CHRNA3: variants seen among roughly 807,000 people sequenced by gnomAD.
The protein encoded by CHRNA3 is neuronal acetylcholine receptor subunit alpha-3.
A neutral mutation model predicts 41.9 loss-of-function variants in CHRNA3; 34 were observed. That is an observed-to-expected ratio of 0.81 (90% confidence interval 0.62 to 1.08). The LOEUF is 1.08. Among genes scored for constraint, CHRNA3 ranks in the 50% least tolerant of loss-of-function variants. The probability of loss-of-function intolerance (pLI) is 0.00; values close to 1 mark genes in which losing one functional copy is unlikely to be tolerated. For synonymous variants in CHRNA3, 281 were observed against 265.2 expected (o/e 1.06, Z -0.58); for missense variants, 542 against 638.3 (o/e 0.85, Z 1.63).
At chr15:78,613,895 C>A (rs1383443684) in intron 4 of CHRNA3, among the ~76,000 whole-genome samples, 1 of 151,256 alleles carries the variant, frequency 6.6e-6, no homozygotes, top group African/African-American at 2.4e-5. Context: ...GCAGTGAGCC[C>A]AGATCATGCC....
At chr15:78,617,311 C>T (rs72648885) in intron 3 of CHRNA3, among the ~76,000 whole-genome samples, 178 bp from the exon 4 acceptor site, 153 of 152,202 alleles carry the variant, frequency 1.0e-3, no homozygotes, top group Non-Finnish European at 1.5e-3. Context: ...AGAGAGCACA[C>T]GGCTGGCTCT....
chr15:78,605,661 T>C (rs957795897), intron 4 of CHRNA3, among the ~76,000 whole-genome samples: 2 of 152,182 alleles, frequency 1.3e-5, no homozygotes, highest in African/African-American at 4.8e-5. Flanking sequence ...ACGTGGGCTC[T>C]TGAGGATGTC....
chr15:78,604,514 G>C (rs2053253448), intron 4 of CHRNA3, among the ~76,000 whole-genome samples: 1 of 152,178 alleles, frequency 6.6e-6, no homozygotes, highest in Non-Finnish European at 1.5e-5. Flanking sequence ...TGGGGATCCT[G>C]GTCACTGTGG....
intron 4 of CHRNA3, among the ~76,000 whole-genome samples, chr15:78,610,558 T>C (rs2053365751): frequency 6.6e-6 from 1 of 151,958 alleles, no homozygotes; most frequent in African/African-American, 2.4e-5. Flanking sequence ...CCAGAATCTC[T>C]GGGACGCATT....
intron 3 of CHRNA3, chr15:78,618,372 TTCTC>T (rs763992071): frequency 1.3e-4 from 69 of 544,974 alleles, no homozygotes; most frequent in Non-Finnish European, 2.1e-4. Flanking sequence ...GAGAATGTCT[TTCTC>T]CAGGCTGCAA....
rs8192475 is a variant in CHRNA3, at chr15:78,618,888, C to G, written c.110G>C (p.Arg37Pro). Residue 37 changes from arginine to proline, a missense_variant, in exon 2 of 6, where the codon CGT becomes CCT. Coordinates refer to ENST00000326828, the MANE Select transcript of CHRNA3 (RefSeq NM_000743.5). The part of the protein sequence containing the change: ...PVARASEAEH[R>P]LFERLFEDYN... ...ATCTTCAAACAGCCGCTCAAATAGA[C>G]GGTGCTCAGCCTCTGAGGCCCTGGC... 41 of 1,613,610 alleles carry G rather than the reference C, an allele frequency of 2.5e-5. No homozygotes were observed. Among genetic ancestry groups the G allele is most frequent in the Non-Finnish European group, 3.5e-5 (41 of 1,179,982 alleles).
intron 4 of CHRNA3, among the ~76,000 whole-genome samples, chr15:78,609,620 A>C (rs986745434): frequency 6.6e-6 from 1 of 152,208 alleles, no homozygotes; most frequent in African/African-American, 2.4e-5. Context: ...GCCACTGCAA[A>C]AACATGCCAA....
chr15:78,601,210 TTGAA>T lies in CHRNA3; in HGVS notation c.1389+39_1389+42del, dbSNP rs758273755. ...CCCACGAGGAACCCATAAATATTTG[TTGAA>T]TGAATGAATGACCAATGTAATAAAA... On this transcript the variant is annotated intron_variant, in intron 5 of 5. Transcript: ENST00000326828. 11 of 1,581,278 alleles carry T rather than the reference TTGAA, an allele frequency of 7.0e-6. No homozygotes were observed. In the South Asian group the frequency reaches 9.3e-5, roughly 13 times the overall value.
downstream of CHRNA3, chr15:78,593,103 T>C (rs778479885): frequency 1.2e-6 from 2 of 1,605,790 alleles, no homozygotes; most frequent in Non-Finnish European, 1.7e-6. Context: ...TTGTTGAAGA[T>C]TGGAAATTCA....
intron 5 of CHRNA3, chr15:78,599,869 T>A (rs1342067184): frequency 7.1e-6 from 1 of 140,168 alleles, no homozygotes; most frequent in East Asian, 2.3e-4. Context: ...TACAAAAAAT[T>A]AGGCATGGTA....
chr15:78,595,534 G>A lies in CHRNA3; in HGVS notation c.*1070C>T, dbSNP rs199921548. ...ATTCTTGGTTATCATAACTGGTGAA[G>A]AAGCAAGGTATGTCATTGGCATCTA... On this transcript the variant is annotated 3_prime_UTR_variant, in exon 6 of 6. Transcript: ENST00000326828. 114 of 358,234 alleles carry A rather than the reference G, an allele frequency of 3.2e-4. No individual in the cohort carries two copies. The highest frequency in any genetic ancestry group is 4.3e-4 in the Non-Finnish European group (111 of 257,138). 22.2% of individuals were successfully genotyped at this position (358,234 alleles called of 1,614,324 possible).
At chr15:78,618,471 A>G (rs2053498480) in intron 3 of CHRNA3, 146 bp downstream of exon 3, 2 of 866,332 alleles carry the variant, frequency 2.3e-6, no homozygotes, top group Non-Finnish European at 3.7e-6. Flanking sequence ...CAAGCCTTAG[A>G]AGAGATATAT....
chr15:78,608,003 C>T (rs925777330), intron 4 of CHRNA3, among the ~76,000 whole-genome samples: 5 of 152,340 alleles, frequency 3.3e-5, no homozygotes, highest in South Asian at 2.1e-4. Context: ...AACTGCAAGG[C>T]GGCAGCGATG....
In CHRNA3 at chr15:78,601,947, G is replaced by A; in HGVS notation, c.695C>T (p.Thr232Ile). The change falls in exon 5 of 6, where the codon ACA becomes ATA. Residue 232 changes from threonine (T) to isoleucine (I), a missense_variant. Coordinates refer to ENST00000326828, the MANE Select transcript of CHRNA3 (RefSeq NM_000743.5). ...CAGGCGCCGGATGTACAGCGAGTAT[G>A]TGATGTCGGGGTAGATCTCCTCGCA... ...NCCEEIYPDI[T>I]YSLYIRRLPL... The A allele has an allele frequency of 6.2e-7, 1 of 1,613,650 alleles. No homozygotes were observed. The highest frequency in any genetic ancestry group is 8.5e-7 in the Non-Finnish European group (1 of 1,179,642).
chr15:78,619,024 A>G (rs1347296846), intron 1 of CHRNA3, 109 bp from the exon 2 acceptor site: 25 of 1,274,132 alleles, frequency 2.0e-5, no homozygotes, highest in Non-Finnish European at 2.6e-5. Flanking sequence ...CTGTGGGGGG[A>G]TTCTGTGGAA....
chr15:78,595,250 T>TAAGTCAAAAGAAAGATGTCG (rs1199079920), downstream of CHRNA3: 1 of 975,062 alleles, frequency 1.0e-6, no homozygotes, highest in African/African-American at 1.8e-5. Context: ...ATGATTTTTA[T>TAAGTCAAAAGAAAGATGTCG]ATATAAATTT....
rs777301381 is a variant in CHRNA3, at chr15:78,601,516, C to T, written c.1126G>A (p.Glu376Lys). The T allele has an allele frequency of 1.4e-5, 22 of 1,614,090 alleles. No individual in the cohort carries two copies. The highest frequency in any genetic ancestry group is 1.6e-4 in the Middle Eastern group (1 of 6,062). Reference sequence around the variant, plus strand: ...CTGAAGCAATTCAGATTTGAGAGCTCGGCACCGTAGAGGGGCCTCGGCTTC... The same window carrying T: ...CTGAAGCAATTCAGATTTGAGAGCTTGGCACCGTAGAGGGGCCTCGGCTTC... Reference protein sequence around the residue: ...AQKPRPLYGAELSNLNCFSRA... With the variant: ...AQKPRPLYGAKLSNLNCFSRA... The change falls in exon 5 of 6, where the codon GAG (glutamate) becomes AAG (lysine). Residue 376 changes from glutamate (E) to lysine (K), a missense_variant. Glu to Lys is a moderately conservative substitution (Grantham distance 56). Transcript: ENST00000326828.
Position 78,620,922 on chromosome 15 carries a change from G to A in CHRNA3, c.-128C>T, listed in dbSNP as rs1049832257. 3.4e-6 allele frequency: 4 copies of A among 1,178,804 alleles called. No homozygotes were observed. The highest frequency in any genetic ancestry group is 3.3e-4 in the Middle Eastern group (1 of 3,074). 73.0% of individuals were successfully genotyped at this position (1,178,804 alleles called of 1,614,324 possible). ...GGAGCCGTGCGGGCGGAGACGCGCG[G>A]GGCTCCTCTCCGCTTCGCCGCCGCT... On this transcript the variant is annotated 5_prime_UTR_variant, in exon 1 of 6. Coordinates refer to ENST00000326828, the MANE Select transcript of CHRNA3 (RefSeq NM_000743.5).
In CHRNA3 at chr15:78,595,484, T is replaced by TGGTTG; in HGVS notation, c.*1119_*1120insCAACC. On this transcript the variant is annotated 3_prime_UTR_variant, in exon 6 of 6. Coordinates refer to ENST00000326828, the MANE Select transcript of CHRNA3 (RefSeq NM_000743.5). ...TCTCAACCAGGGGCAATTTTGCTCC[T>TGGTTG]AAGGGAACATTTAACAATGGAGACA... 1.2e-6 allele frequency: 1 copy of TGGTTG among 849,034 alleles called. No homozygotes were observed. Among genetic ancestry groups the TGGTTG allele is most frequent in the Non-Finnish European group, 1.4e-6 (1 of 705,838 alleles). 52.6% of individuals were successfully genotyped at this position (849,034 alleles called of 1,614,324 possible). A position where few individuals can be genotyped will look rare whatever the true frequency, so the allele number is the denominator to read the frequency against.
Sources: gnomAD v4.1 joint callset for allele counts (sites outside exome capture counted in the v4.1 genomes callset) on GRCh38, gnomAD v4.1.1 for gene constraint, MANE v1.5 for transcripts, NCBI Gene and HGNC (gene_info 2026-07-23, HGNC 2026-07-21) for gene names.